SYT17: variants seen among roughly 807,000 people sequenced by gnomAD.
SYT17 encodes synaptotagmin-17.
SYT17 carries 22 observed loss-of-function variants against 46.7 expected under a neutral mutation model. The observed-to-expected ratio is 0.47, with a 90% CI of 0.34 to 0.67. SYT17 has a LOEUF of 0.67. Among genes scored for constraint, SYT17 ranks in the 30% least tolerant of loss-of-function variants. The pLI is 0.01. For missense variants in SYT17, 519 were observed against 612.8 expected, an observed-to-expected ratio of 0.85 and a Z score of 1.62; for synonymous variants, 251 against 248.4, an observed-to-expected ratio of 1.01 and a Z score of -0.10.
intron 7 of SYT17, among the ~76,000 whole-genome samples, chr16:19,253,328 G>A (rs1968324925): frequency 6.6e-6 from 1 of 152,100 alleles, no homozygotes; most frequent in Non-Finnish European, 1.5e-5. Flanking sequence ...GGCCGAGGTG[G>A]GAGGACAGCA....
intron 5 of SYT17, among the ~76,000 whole-genome samples, chr16:19,194,996 T>G (rs1232195924): frequency 1.3e-5 from 2 of 152,220 alleles, no homozygotes; most frequent in Non-Finnish European, 2.9e-5. Context: ...CATGCGCTTT[T>G]GAGTTAGACT....
At chr16:19,233,275 A>G (rs1460788217) in intron 7 of SYT17, among the ~76,000 whole-genome samples, 1 of 151,872 alleles carries the variant, frequency 6.6e-6, no homozygotes, top group African/African-American at 2.4e-5. Context: ...ACGGCGGGGA[A>G]TGGGTGGGAG....
At chr16:19,213,346 G>A (rs547725153) in intron 5 of SYT17, among the ~76,000 whole-genome samples, 10 of 152,280 alleles carry the variant, frequency 6.6e-5, no homozygotes, top group South Asian at 2.1e-4. Flanking sequence ...TGGAAAGTGC[G>A]GGAATGCGGT....
chr16:19,188,583 AG>A (rs1368496614), intron 5 of SYT17, among the ~76,000 whole-genome samples: 1 of 151,924 alleles, frequency 6.6e-6, no homozygotes, highest in Non-Finnish European at 1.5e-5. Context: ...GTTCCCTAGA[AG>A]CAGAGCCAGA....
intron 5 of SYT17, among the ~76,000 whole-genome samples, chr16:19,213,489 G>A (rs1371096710): frequency 6.6e-6 from 1 of 152,192 alleles, no homozygotes; most frequent in Non-Finnish European, 1.5e-5. Flanking sequence ...CCAAGACAGG[G>A]AGGTACAGAG....
intron 7 of SYT17, among the ~76,000 whole-genome samples, chr16:19,256,745 CT>C (rs1481006773): frequency 6.6e-6 from 1 of 151,954 alleles, no homozygotes; most frequent in Admixed American, 6.6e-5. Context: ...TGCCCAGCTA[CT>C]TTTTAAATTT....
intron 5 of SYT17, among the ~76,000 whole-genome samples, chr16:19,193,091 A>G (rs564778706): frequency 1.3e-5 from 2 of 152,348 alleles, no homozygotes; most frequent in East Asian, 3.9e-4. Flanking sequence ...ACTTGCATCT[A>G]AAACTTGGCT....
intron 5 of SYT17, among the ~76,000 whole-genome samples, chr16:19,203,187 G>C (rs916456984): frequency 2.0e-5 from 3 of 152,034 alleles, no homozygotes; most frequent in African/African-American, 4.8e-5. Flanking sequence ...AAGATTAAAG[G>C]GGAAAATAAA....
chr16:19,183,478 G>A lies in SYT17; in HGVS notation c.332-50G>A. ...ATCTGCTTACCTGCAAAGTGGCCCA[G>A]GTCTGCCCCGTATGTGGCTGTCTTC... is the stretch of plus-strand genomic sequence containing the variant. On this transcript the variant is annotated intron_variant, in intron 4 of 7. Transcript: ENST00000355377. The surrounding 1 kb of genome is among the most constrained non-coding windows in gnomAD (Gnocchi z 5.6). 6.2e-7 allele frequency: 1 copy of A among 1,604,714 alleles called. No homozygotes were observed. Among genetic ancestry groups the A allele is most frequent in the Non-Finnish European group, 8.5e-7 (1 of 1,174,368 alleles).
At chr16:19,180,567 G>A (rs1458891759) in intron 4 of SYT17, 28 bp downstream of exon 4, 2 of 1,612,394 alleles carry the variant, frequency 1.2e-6, no homozygotes, top group Non-Finnish European at 8.5e-7. Flanking sequence ...ACCTTTCTGG[G>A]GGCCCTGGCT....
At chr16:19,207,914 AAAAG>A (rs34958557) in intron 5 of SYT17, among the ~76,000 whole-genome samples, 4 of 152,216 alleles carry the variant, frequency 2.6e-5, no homozygotes, top group East Asian at 1.9e-4. Context: ...AACAGGAAAA[AAAAG>A]AAAGAAAGAA....
chr16:19,267,185 C>A lies in SYT17; in HGVS notation c.*109C>A. 1 of 955,192 alleles carries A rather than the reference C, an allele frequency of 1.0e-6. No homozygotes were observed. The highest frequency in any genetic ancestry group is 1.5e-6 in the Non-Finnish European group (1 of 663,560). The allele number at this position is 955,192 out of a possible 1,614,324, so 59.2% of individuals were successfully genotyped here. A position where few individuals can be genotyped will look rare whatever the true frequency, so the allele number is the denominator to read the frequency against. The stretch of plus-strand genomic sequence containing the variant: ...ACCTGCATACACACTCGCAACATGT[C>A]TACACACGTCCACACACACAGACAC... On this transcript the variant is annotated 3_prime_UTR_variant, in exon 8 of 8. Transcript: ENST00000355377.
At chr16:19,185,884 T>G (rs1016185423) in intron 5 of SYT17, among the ~76,000 whole-genome samples, 1 of 152,226 alleles carries the variant, frequency 6.6e-6, no homozygotes. Context: ...CGCCTTCCAG[T>G]GCACTAAGCG....
rs574793276 is a variant in SYT17 at position 19,180,689 on chromosome 16, C to T, written c.331+150C>T. 1.6e-4 allele frequency: 144 copies of T among 896,532 alleles called. No individual in the cohort carries two copies. In the African/African-American group the frequency reaches 2.1e-3, roughly 13 times the overall value. 55.5% of individuals were successfully genotyped at this position (896,532 alleles called of 1,614,324 possible). Reference sequence around the variant, plus strand: ...AGACAGGGCGAGAGAGAGATAATGACGGTGTGACAGAGGAGGGCATCACAC... The same window carrying T: ...AGACAGGGCGAGAGAGAGATAATGATGGTGTGACAGAGGAGGGCATCACAC... On this transcript the variant is annotated intron_variant, in intron 4 of 7. Coordinates refer to ENST00000355377, the MANE Select transcript of SYT17 (RefSeq NM_016524.4).
Position 19,252,738 on chromosome 16 carries a change from C to T in SYT17, c.1229-14142C>T, listed in dbSNP as rs74011562. ...ACCCTAAGCCAGTGAATCTCAAACCCGGCTACACATTAGGGTCACTGGGAA... is the reference window on the plus strand; with the variant it reads ...ACCCTAAGCCAGTGAATCTCAAACCTGGCTACACATTAGGGTCACTGGGAA... On this transcript the variant is annotated intron_variant, in intron 7 of 7. Transcript: ENST00000355377. 6.4e-3 allele frequency among the ~76,000 whole-genome samples: 962 copies of T among 150,712 alleles called. 6 individuals are homozygous for T. The highest frequency in any genetic ancestry group is 0.021 in the African/African-American group (877 of 40,962).
At chr16:19,196,402 C>T (rs895020263) in intron 5 of SYT17, among the ~76,000 whole-genome samples, 1 of 151,978 alleles carries the variant, frequency 6.6e-6, no homozygotes, top group Admixed American at 6.6e-5. Flanking sequence ...ACCACCACAC[C>T]CGGTTAATTT....
chr16:19,198,932 A>G (rs960081170), intron 5 of SYT17, among the ~76,000 whole-genome samples: 4 of 152,240 alleles, frequency 2.6e-5, no homozygotes, highest in African/African-American at 4.8e-5. Flanking sequence ...CAAGCAATTC[A>G]TCAACTTCAT....
chr16:19,253,550 C>T (rs932133613), intron 7 of SYT17, among the ~76,000 whole-genome samples: 4 of 151,990 alleles, frequency 2.6e-5, no homozygotes, highest in Admixed American at 6.6e-5. Flanking sequence ...AGATTGGAAA[C>T]TCTAGATTGA....
At chr16:19,179,851 C>T (rs1964475773) in intron 3 of SYT17, among the ~76,000 whole-genome samples, 1 of 152,230 alleles carries the variant, frequency 6.6e-6, no homozygotes, top group Admixed American at 6.5e-5. Flanking sequence ...TATTTCTTTA[C>T]ATCAAACTTC....
Sources: allele counts gnomAD v4.1 joint callset (sites outside exome capture counted in the v4.1 genomes callset), GRCh38; gene constraint gnomAD v4.1.1; non-coding constraint Gnocchi (gnomAD v3.1); transcripts MANE v1.5; gene names NCBI Gene and HGNC (gene_info 2026-07-23, HGNC 2026-07-21).